The following ENTREP2 variants were observed in gnomAD, a reference collection of about 807,000 sequenced individuals.
ENTREP2 encodes the protein endosomal transmembrane epsin interactor 2.
chr15:29,581,710 GT>G, the ENTREP2 span, among the ~76,000 whole-genome samples: 10 of 149,236 alleles, frequency 6.7e-5, no homozygotes, highest in South Asian at 2.1e-4. Context: ...CAGCAAGTTG[GT>G]TTTTTTTTTA....
chr15:29,256,000 C>CA, the ENTREP2 span, among the ~76,000 whole-genome samples: 1,484 of 112,324 alleles, frequency 0.013, 15 homozygotes, highest in Middle Eastern at 0.043. Flanking sequence ...GAGTCCGTCT[C>CA]AAAAAAAAAA....
chr15:29,509,104 A>G, the ENTREP2 span, among the ~76,000 whole-genome samples: 1 of 152,220 alleles, frequency 6.6e-6, no homozygotes, highest in Non-Finnish European at 1.5e-5. Flanking sequence ...CTATACACCA[A>G]TAATAGACAA....
the ENTREP2 span, among the ~76,000 whole-genome samples, chr15:29,157,289 G>A: frequency 6.6e-5 from 10 of 152,198 alleles, no homozygotes; most frequent in South Asian, 1.5e-3. Flanking sequence ...TTCACCTTGC[G>A]GATGTCCTTG....
At chr15:29,571,224 C>A in the ENTREP2 span, among the ~76,000 whole-genome samples, 1 of 152,038 alleles carries the variant, frequency 6.6e-6, no homozygotes, top group Non-Finnish European at 1.5e-5. Flanking sequence ...TGCAGGTCTG[C>A]GGAAGGAGAG....
At chr15:29,377,110 C>A in the ENTREP2 span, among the ~76,000 whole-genome samples, 1 of 149,608 alleles carries the variant, frequency 6.7e-6, no homozygotes, top group African/African-American at 2.5e-5. Context: ...TTAGTTGACA[C>A]CTCCAGGAAG....
chr15:29,444,931 T>C, the ENTREP2 span, among the ~76,000 whole-genome samples: 1 of 152,118 alleles, frequency 6.6e-6, no homozygotes, highest in Non-Finnish European at 1.5e-5. Context: ...CAGGTACCAA[T>C]AAGGTTTAAG....
chr15:29,410,156 C>G, the ENTREP2 span, among the ~76,000 whole-genome samples: 1 of 152,162 alleles, frequency 6.6e-6, no homozygotes, highest in African/African-American at 2.4e-5. Flanking sequence ...AAAATAAGGT[C>G]CCCTACCTAG....
the ENTREP2 span, among the ~76,000 whole-genome samples, chr15:29,327,724 T>A: frequency 2.0e-5 from 3 of 151,828 alleles, no homozygotes; most frequent in Admixed American, 2.0e-4. Flanking sequence ...AAAGCAACAA[T>A]AAGATACCAT....
chr15:29,504,680 C>T, the ENTREP2 span, among the ~76,000 whole-genome samples: 1 of 152,202 alleles, frequency 6.6e-6, no homozygotes, highest in African/African-American at 2.4e-5. Flanking sequence ...AAGCTGGATT[C>T]AGACTATTTA....
the ENTREP2 span, among the ~76,000 whole-genome samples, chr15:29,406,456 G>A: frequency 6.6e-6 from 1 of 152,054 alleles, no homozygotes; most frequent in Non-Finnish European, 1.5e-5. Context: ...GCTGAGGTAA[G>A]AGAATCACTT....
the ENTREP2 span, among the ~76,000 whole-genome samples, chr15:29,472,549 C>T: frequency 6.6e-6 from 1 of 152,056 alleles, no homozygotes; most frequent in Non-Finnish European, 1.5e-5. Context: ...ACTGCAACCT[C>T]CGCCTCCTGG....
chr15:29,460,235 G>C, the ENTREP2 span, among the ~76,000 whole-genome samples: 1 of 152,174 alleles, frequency 6.6e-6, no homozygotes, highest in Non-Finnish European at 1.5e-5. Flanking sequence ...CTGGGTGACA[G>C]AGCAAGACTC....
the ENTREP2 span, among the ~76,000 whole-genome samples, chr15:29,656,094 G>A: frequency 6.8e-6 from 1 of 147,512 alleles, no homozygotes; most frequent in African/African-American, 2.5e-5. Context: ...AAAGAACAAA[G>A]CTCCCACCTT....
the ENTREP2 span, among the ~76,000 whole-genome samples, chr15:29,498,070 T>G: frequency 1.3e-5 from 2 of 152,182 alleles, no homozygotes; most frequent in African/African-American, 4.8e-5. Flanking sequence ...TGCCCCATGC[T>G]TTTCTCGTGT....
At chr15:29,203,931 G>C in the ENTREP2 span, among the ~76,000 whole-genome samples, 11 of 152,250 alleles carry the variant, frequency 7.2e-5, no homozygotes, top group East Asian at 2.1e-3. Context: ...AGGATCATCC[G>C]GGGAAAGGGA....
At chr15:29,607,825 T>TAGATAGATAGACAGAC in the ENTREP2 span, among the ~76,000 whole-genome samples, 2 of 84,910 alleles carry the variant, frequency 2.4e-5, no homozygotes, top group African/African-American at 1.4e-4. Context: ...GATAGATAGA[T>TAGATAGATAGACAGAC]AGACAGACAG....
the ENTREP2 span, among the ~76,000 whole-genome samples, chr15:29,477,994 TA>T: frequency 1.4e-5 from 1 of 73,344 alleles, no homozygotes; most frequent in Non-Finnish European, 2.4e-5. Context: ...TAAATTTAAC[TA>T]TATATATATA....
At chr15:29,582,637 A>T in the ENTREP2 span, among the ~76,000 whole-genome samples, 31 of 151,942 alleles carry the variant, frequency 2.0e-4, no homozygotes, top group African/African-American at 7.0e-4. Context: ...TCCTGAATTT[A>T]TTTTATTTTA....
chr15:29,571,655 A>T, the ENTREP2 span, among the ~76,000 whole-genome samples: 1 of 152,190 alleles, frequency 6.6e-6, no homozygotes, highest in Non-Finnish European at 1.5e-5. Flanking sequence ...AATTGCACAA[A>T]ACGAATTTAA....
Sources: gnomAD v4.1 joint callset for allele counts (sites outside exome capture counted in the v4.1 genomes callset) on GRCh38, gnomAD v4.1.1 for gene constraint, MANE v1.5 for transcripts, NCBI Gene and HGNC (gene_info 2026-07-23, HGNC 2026-07-21) for gene names.